Variants in CYP3A5 observed in about 807,000 individuals in gnomAD.
CYP3A5 encodes cytochrome P450 3A5.
A neutral mutation model predicts 55.9 loss-of-function variants in CYP3A5; 51 were observed. The ratio of observed to expected loss-of-function variants is 0.91; its 90% confidence interval spans 0.73 to 1.15. CYP3A5 has a LOEUF of 1.15. CYP3A5 is among the 50% of genes most tolerant of loss of function. CYP3A5 has a pLI of 0.00. For missense variants in CYP3A5, 533 were observed against 596.6 expected (o/e 0.89, Z 1.11); for synonymous variants, 196 against 213.9 (o/e 0.92, Z 0.73).
intron 10 of CYP3A5, among the ~76,000 whole-genome samples, chr7:99,657,189 A>G (rs769119193): frequency 2.6e-5 from 4 of 152,288 alleles, no homozygotes; most frequent in African/African-American, 9.6e-5. Flanking sequence ...TGTCAATGTT[A>G]GATCTTTCCT....
At position 99,672,637 on chromosome 7, in the gene CYP3A5, G is replaced by A. The variant is rs376645127; in HGVS notation, c.261C>T (p.Pro87=). ...TCACTAGCACTGTTCTGATCACGTCGGGATCTGTGATGGCCAGCACAGGGA... is the reference window on the plus strand; with the variant it reads ...TCACTAGCACTGTTCTGATCACGTCAGGATCTGTGATGGCCAGCACAGGGA... ...GQLPVLAITD[P]DVIRTVLVKE... is the part of the protein sequence containing the mutation. Residue 87 remains proline (P), a synonymous_variant, in exon 4 of 13, where the codon CCC becomes CCT. Transcript: ENST00000222982. 3.5e-5 allele frequency: 57 copies of A among 1,614,020 alleles called. 1 individual carries two copies. In the Admixed American group the frequency reaches 4.0e-4, roughly 11 times the overall value.
At chr7:99,663,208 C>G (rs772122382) in intron 8 of CYP3A5, 21 of 1,088,486 alleles carry the variant, frequency 1.9e-5, no homozygotes, top group Non-Finnish European at 2.2e-5. Context: ...ACTGCTTACC[C>G]AGGAAGAAGT....
chr7:99,657,716 C>G (rs913510756), intron 10 of CYP3A5, among the ~76,000 whole-genome samples: 18 of 152,176 alleles, frequency 1.2e-4, no homozygotes, highest in Non-Finnish European at 2.5e-4. Flanking sequence ...GTGTGGGAGT[C>G]TAACTCTCTT....
chr7:99,665,033 T>G lies in CYP3A5; in HGVS notation c.670+133A>C, dbSNP rs1810854190. The G allele has an allele frequency of 6.9e-6, 6 of 869,414 alleles. No homozygotes were observed. The East Asian group carries it at 1.6e-4, about 23-fold the overall frequency. 53.9% of individuals were successfully genotyped at this position (869,414 alleles called of 1,614,324 possible). ...ACATTTTAGTTTACAATAGTAATGG[T>G]CATACATATTTTTGATTATCTTAAA... On this transcript the variant is annotated intron_variant, in intron 7 of 12. Transcript: ENST00000222982.
intron 4 of CYP3A5, 52 bp downstream of exon 4, chr7:99,672,528 A>T: frequency 6.8e-7 from 1 of 1,479,600 alleles, no homozygotes; most frequent in Non-Finnish European, 9.4e-7. Flanking sequence ...TCAAAATAAA[A>T]ATTTAATCAG....
Position 99,679,607 on chromosome 7 carries a change from C to G in CYP3A5, c.71+219G>C, listed in dbSNP as rs41300713. 3.2e-3 allele frequency among the ~76,000 whole-genome samples: 487 copies of G among 152,274 alleles called. 1 individual carries two copies. The highest frequency in any genetic ancestry group is 0.011 in the African/African-American group (474 of 41,552). ...TACCAAATGCTGTCCCTAAACCCTC[C>G]TAGTCACCAAAATTAGAAGGTGGAT... On this transcript the variant is annotated intron_variant, in intron 1 of 12. Transcript: ENST00000222982.
intron 10 of CYP3A5, among the ~76,000 whole-genome samples, chr7:99,657,826 A>G (rs1339597113): frequency 2.0e-5 from 3 of 151,986 alleles, no homozygotes; most frequent in Non-Finnish European, 4.4e-5. Flanking sequence ...TGATCCCTTT[A>G]CCATTATGTA....
chr7:99,660,870 C>T lies in CYP3A5; in HGVS notation c.866-211G>A, dbSNP rs573770430. 3.3e-5 allele frequency among the ~76,000 whole-genome samples: 5 copies of T among 152,318 alleles called. No homozygotes were observed. In the East Asian group the frequency reaches 9.7e-4, roughly 29 times the overall value. On this transcript the variant is annotated intron_variant, in intron 9 of 12. Transcript: ENST00000222982. ...TTAATCCAGGTTTTCCCAAGGTCTA[C>T]ATGATTGTGGGCCACACACTCCTCA...
Position 99,662,970 on chromosome 7 carries a change from T to TGAC in CYP3A5, c.799-91_799-89dup, listed in dbSNP as rs547837402. The TGAC allele has an allele frequency of 1.6e-3, 2,525 of 1,575,512 alleles. 4 individuals carry two copies. The highest frequency in any genetic ancestry group is 2.0e-3 in the Non-Finnish European group (2,263 of 1,159,152). On this transcript the variant is annotated intron_variant, in intron 8 of 12. Coordinates refer to ENST00000222982, the MANE Select transcript of CYP3A5 (RefSeq NM_000777.5). This position sits in a 1 kb window ranked among gnomAD's most constrained non-coding sequence, Gnocchi z 4.3. ...AAGTGCAGTCCTCAACCTCCCTTCT[T>TGAC]GACTTCCCTCCCTCAACCTCCCTAT...
chr7:99,677,618 A>G (rs1812412338), intron 1 of CYP3A5, among the ~76,000 whole-genome samples: 1 of 152,192 alleles, frequency 6.6e-6, no homozygotes, highest in Non-Finnish European at 1.5e-5. Context: ...AAAACTGAGA[A>G]ATTACATGAA....
At position 99,665,194 on chromosome 7, in the gene CYP3A5, A is replaced by G; in HGVS notation, c.642T>C (p.Gly214=). ...VESTKKFLKF[G]FLDPLFLSII... The stretch of plus-strand genomic sequence containing the variant: ...TTGAGAGAAATAATGGATCTAAGAA[A>G]CCAAATTTTAGGAACTTCTTAGTGC... The change falls in exon 7 of 13, where the codon GGT becomes GGC. Residue 214 remains glycine (G), a synonymous_variant. Coordinates refer to ENST00000222982, the MANE Select transcript of CYP3A5 (RefSeq NM_000777.5). The G allele has an allele frequency of 6.2e-7, 1 of 1,613,736 alleles. No individual in the cohort carries two copies.
Position 99,663,980 on chromosome 7 carries a change from G to A in CYP3A5, c.786C>T (p.Asn262=), listed in dbSNP as rs764808178. 14 of 1,583,942 alleles carry A rather than the reference G, an allele frequency of 8.8e-6. No homozygotes were observed. In the East Asian group the frequency reaches 9.0e-5, roughly 10 times the overall value. ...CATCAGATTTTACCTTTTGTTTGTC[G>A]TTGAGGCGACTTTTCTTCATTCTGT... The part of the protein sequence containing the change: ...SVNRMKKSRL[N]DKQKHRLDFL... Residue 262 remains asparagine (N), a synonymous_variant, in exon 8 of 13, where the codon AAC becomes AAT. Transcript: ENST00000222982.
intron 6 of CYP3A5, among the ~76,000 whole-genome samples, chr7:99,666,137 G>A (rs958833537): frequency 1.3e-5 from 2 of 152,120 alleles, no homozygotes; most frequent in African/African-American, 4.8e-5. Context: ...GGAAGTAGTG[G>A]GAAGGTTTAA....
chr7:99,650,178 A>G lies in CYP3A5; in HGVS notation c.1308T>C (p.Thr436=), dbSNP rs753680334. 3.7e-6 allele frequency: 6 copies of G among 1,614,130 alleles called. No individual in the cohort carries two copies. Among genetic ancestry groups the G allele is most frequent in the South Asian group, 3.3e-5 (3 of 91,070 alleles). The change falls in exon 12 of 13, where the codon ACT becomes ACC. Residue 436 remains threonine, a synonymous_variant. Transcript: ENST00000222982. ...IDPYIYTPFG[T]GPRNCIGMRF... ...TCATGCCAATGCAGTTTCTGGGTCC[A>G]GTTCCAAAGGGTGTGTATATGTAAG...
chr7:99,678,332 T>A (rs1429818141), intron 1 of CYP3A5, among the ~76,000 whole-genome samples: 1 of 152,206 alleles, frequency 6.6e-6, no homozygotes, highest in Non-Finnish European at 1.5e-5. Context: ...CCCTGAGAGC[T>A]GAGGAATATT....
At chr7:99,678,408 C>T (rs866718527) in intron 1 of CYP3A5, among the ~76,000 whole-genome samples, 4 of 152,232 alleles carry the variant, frequency 2.6e-5, no homozygotes, top group Admixed American at 6.5e-5. Flanking sequence ...GTCTTGCTTA[C>T]TCCCCTGTCC....
chr7:99,675,859 C>T (rs1466177878), intron 2 of CYP3A5, among the ~76,000 whole-genome samples: 1 of 149,392 alleles, frequency 6.7e-6, no homozygotes, highest in Non-Finnish European at 1.5e-5. Flanking sequence ...ATATCATGCA[C>T]AGGTAATTTT....
chr7:99,660,090 A>C (rs1810261273), intron 10 of CYP3A5: 1 of 530,642 alleles, frequency 1.9e-6, no homozygotes, highest in Non-Finnish European at 2.4e-6. Context: ...ACTCTCCAAC[A>C]ATCCCCATTG....
chr7:99,658,644 G>A (rs897673585), intron 10 of CYP3A5, among the ~76,000 whole-genome samples: 2 of 152,086 alleles, frequency 1.3e-5, no homozygotes, highest in African/African-American at 4.8e-5. Flanking sequence ...GCTAGATTGG[G>A]GAAGTTCTCC....
Sources: allele counts gnomAD v4.1 joint callset (sites outside exome capture counted in the v4.1 genomes callset), GRCh38; gene constraint gnomAD v4.1.1; non-coding constraint Gnocchi (gnomAD v3.1); transcripts MANE v1.5; gene names NCBI Gene and HGNC (gene_info 2026-07-23, HGNC 2026-07-21).